SLC7A11: variants seen among roughly 807,000 people sequenced by gnomAD.
The protein encoded by SLC7A11 is solute carrier family 7 member 11.
A neutral mutation model predicts 54.5 loss-of-function variants in SLC7A11; 35 were observed. The ratio of observed to expected loss-of-function variants is 0.64; its 90% CI spans 0.49 to 0.85. SLC7A11 has a LOEUF of 0.85. SLC7A11 is among the 40% of genes least tolerant of loss of function. SLC7A11 has a pLI of 0.00. For synonymous variants in SLC7A11, 230 were observed against 225.2 expected (o/e 1.02, Z -0.19); for missense variants, 583 against 618.1 (o/e 0.94, Z 0.60).
At chr4:138,192,493 G>A (rs1430025917) in intron 6 of SLC7A11, among the ~76,000 whole-genome samples, 1 of 152,082 alleles carries the variant, frequency 6.6e-6, no homozygotes, top group Non-Finnish European at 1.5e-5. Flanking sequence ...ACTTTTGATT[G>A]TTTAAAGCCA....
intron 10 of SLC7A11, 48 bp downstream of exon 10, chr4:138,180,593 G>T: frequency 6.3e-7 from 1 of 1,591,932 alleles, no homozygotes; most frequent in Non-Finnish European, 8.6e-7. Context: ...GGAGGACTAG[G>T]TATTAGGAGA....
At chr4:138,225,168 AT>A (rs1317198137) in intron 3 of SLC7A11, among the ~76,000 whole-genome samples, 5 of 144,614 alleles carry the variant, frequency 3.5e-5, no homozygotes, top group Non-Finnish European at 4.5e-5. Flanking sequence ...ATATATATAT[AT>A]ATAAATAAAA....
At chr4:138,179,510 C>T (rs775032076) in intron 10 of SLC7A11, 116 bp from the exon 11 acceptor site, 19 of 835,948 alleles carry the variant, frequency 2.3e-5, no homozygotes, top group Non-Finnish European at 3.3e-5. Context: ...AGTCATGCGA[C>T]CAGGTAACAG....
At chr4:138,237,054 C>A (rs1289416496) in intron 1 of SLC7A11, among the ~76,000 whole-genome samples, 1 of 138,054 alleles carries the variant, frequency 7.2e-6, no homozygotes, top group African/African-American at 2.7e-5. Context: ...GGCGCGATCT[C>A]GGCTCACTGC....
chr4:138,185,423 A>C (rs1736852500), intron 6 of SLC7A11, among the ~76,000 whole-genome samples, 179 bp from the exon 7 acceptor site: 1 of 152,170 alleles, frequency 6.6e-6, no homozygotes, highest in African/African-American at 2.4e-5. Flanking sequence ...TTTGTAACTT[A>C]ATAAGGTCCA....
At chr4:138,209,891 T>C (rs148785800) in intron 6 of SLC7A11, among the ~76,000 whole-genome samples, 1 of 152,048 alleles carries the variant, frequency 6.6e-6, no homozygotes, top group African/African-American at 2.4e-5. Context: ...TAGATAAAAC[T>C]ATTCTAAAAT....
chr4:138,211,311 A>G (rs1421616318), intron 6 of SLC7A11, among the ~76,000 whole-genome samples: 2 of 151,914 alleles, frequency 1.3e-5, no homozygotes, highest in Admixed American at 6.6e-5. Context: ...ACCCAACAGT[A>G]ACAGGATAAT....
intron 5 of SLC7A11, 34 bp downstream of exon 5, chr4:138,219,232 A>T: frequency 8.0e-7 from 1 of 1,243,178 alleles, no homozygotes; most frequent in Non-Finnish European, 1.2e-6. Context: ...TTAATGAACT[A>T]CGCAAACCAC....
At chr4:138,220,243 C>T (rs1560735125) in intron 4 of SLC7A11, among the ~76,000 whole-genome samples, 2 of 152,092 alleles carry the variant, frequency 1.3e-5, no homozygotes, top group African/African-American at 4.8e-5. Flanking sequence ...TGGCTGCAAG[C>T]CTTTCTTATA....
intron 3 of SLC7A11, among the ~76,000 whole-genome samples, chr4:138,228,480 C>G (rs905737155): frequency 6.6e-6 from 1 of 151,956 alleles, no homozygotes; most frequent in African/African-American, 2.4e-5. Context: ...AATTACAGGT[C>G]GGGCGCGATG....
chr4:138,191,500 C>T (rs2148420089), intron 6 of SLC7A11, among the ~76,000 whole-genome samples: 1 of 152,042 alleles, frequency 6.6e-6, no homozygotes, highest in South Asian at 2.1e-4. Flanking sequence ...TGCAGAGATG[C>T]ATAAAGGAAG....
chr4:138,203,260 G>C (rs1737331020), intron 6 of SLC7A11, among the ~76,000 whole-genome samples: 3 of 151,844 alleles, frequency 2.0e-5, no homozygotes, highest in Admixed American at 1.3e-4. Flanking sequence ...TTTTCAACCT[G>C]AATATCCCCT....
intron 7 of SLC7A11, 37 bp downstream of exon 7, chr4:138,185,084 C>G: frequency 6.2e-7 from 1 of 1,610,550 alleles, no homozygotes; most frequent in South Asian, 1.1e-5. Flanking sequence ...GCTCATTAAC[C>G]TAAATTCCAA....
intron 6 of SLC7A11, among the ~76,000 whole-genome samples, chr4:138,188,468 G>A (rs1400516120): frequency 6.6e-6 from 1 of 152,146 alleles, no homozygotes; most frequent in African/African-American, 2.4e-5. Flanking sequence ...GGAAGGGGGT[G>A]GGGAGGTTCT....
At chr4:138,225,896 GAA>G (rs1737937223) in intron 3 of SLC7A11, among the ~76,000 whole-genome samples, 1 of 151,996 alleles carries the variant, frequency 6.6e-6, no homozygotes, top group African/African-American at 2.4e-5. Flanking sequence ...GGATAAAAAC[GAA>G]AAGAGGCAGG....
chr4:138,234,897 C>T (rs1282614033), intron 2 of SLC7A11, among the ~76,000 whole-genome samples: 4 of 152,100 alleles, frequency 2.6e-5, no homozygotes, highest in Admixed American at 2.0e-4. Context: ...CATTTGAATG[C>T]TGAGTATGTT....
At chr4:138,207,955 T>C (rs900438518) in intron 6 of SLC7A11, among the ~76,000 whole-genome samples, 7 of 152,156 alleles carry the variant, frequency 4.6e-5, no homozygotes, top group African/African-American at 1.7e-4. Flanking sequence ...TTAATACAGA[T>C]ACACTAAGAT....
At chr4:138,177,471 C>A (rs796846218) in intron 11 of SLC7A11, 1 of 151,064 alleles carries the variant, frequency 6.6e-6, no homozygotes, top group South Asian at 2.1e-4. Flanking sequence ...CTTTCCCTCT[C>A]TCTCTCTCTC....
At chr4:138,178,745 T>C (rs1736645049) in intron 11 of SLC7A11, among the ~76,000 whole-genome samples, 1 of 152,172 alleles carries the variant, frequency 6.6e-6, no homozygotes, top group African/African-American at 2.4e-5. Context: ...GTTCTTGTTA[T>C]TATAATCCTT....
Sources: gnomAD v4.1 joint callset for allele counts (sites outside exome capture counted in the v4.1 genomes callset) on GRCh38, gnomAD v4.1.1 for gene constraint, MANE v1.5 for transcripts, NCBI Gene and HGNC (gene_info 2026-07-23, HGNC 2026-07-21) for gene names.